TMEM179B: variants seen among roughly 807,000 people sequenced by gnomAD.
TMEM179B encodes transmembrane protein 179B.
Under a neutral mutation model 18.0 loss-of-function variants are expected in TMEM179B, and 13 were observed. That is an observed-to-expected ratio of 0.72 (90% CI 0.47 to 1.15). The LOEUF is 1.15. Among genes scored for constraint, TMEM179B ranks in the 50% most tolerant of loss-of-function variants. The probability of loss-of-function intolerance (pLI) is 0.00; values close to 1 mark genes in which losing one functional copy is unlikely to be tolerated. For missense variants in TMEM179B, 320 were observed against 270.6 expected (o/e 1.18, Z -1.28); for synonymous variants, 159 against 117.5 (o/e 1.35, Z -2.29).
In TMEM179B at chr11:62,789,911, T is replaced by C. The variant is rs778598541; in HGVS notation, c.524T>C (p.Leu175Ser). ...ACCTCTTCTTGGGTGAATTTGGTATTGTGGTGTGTGGTCTTGGTGCTCCAG... is the reference window on the plus strand; with the variant it reads ...ACCTCTTCTTGGGTGAATTTGGTATCGTGGTGTGTGGTCTTGGTGCTCCAG... ...AETSSWVNLV[L>S]WCVVLVLQVV... is the part of the protein sequence containing the mutation. The change falls in exon 5 of 5, where the codon TTG (leucine) becomes TCG (serine). Residue 175 changes from leucine (L) to serine (S), a missense_variant. By Grantham distance (145) the Leu-to-Ser change is moderately radical (BLOSUM62 -2). Coordinates refer to ENST00000333449, the MANE Select transcript of TMEM179B (RefSeq NM_199337.3). 6.2e-7 allele frequency: 1 copy of C among 1,613,976 alleles called. No homozygotes were observed. The highest frequency in any genetic ancestry group is 1.7e-5 in the Admixed American group (1 of 59,992).
Position 62,790,120 on chromosome 11 carries a change from T to TG in TMEM179B, c.*74dup, listed in dbSNP as rs2084341993. The TG allele has an allele frequency of 9.6e-6, 14 of 1,462,306 alleles. No individual in the cohort carries two copies. The South Asian group carries it at 2.0e-4, about 21-fold the overall frequency. 90.6% of individuals were successfully genotyped at this position (1,462,306 alleles called of 1,614,324 possible). A position where few individuals can be genotyped will look rare whatever the true frequency, so the allele number is the denominator to read the frequency against. On this transcript the variant is annotated 3_prime_UTR_variant, in exon 5 of 5. Transcript: ENST00000333449. Reference sequence around the variant, plus strand: ...CCTGTAATCCCCCCCCTCAAGGCCCTGTTTATGTTGGGAGTCTTAGTTTTC... The same window carrying TG: ...CCTGTAATCCCCCCCCTCAAGGCCCTGGTTTATGTTGGGAGTCTTAGTTTTC...
Position 62,790,099 on chromosome 11 carries a change from T to TA in TMEM179B, c.*54dup. 1 of 1,507,492 alleles carries TA rather than the reference T, an allele frequency of 6.6e-7. No individual in the cohort carries two copies. The highest frequency in any genetic ancestry group is 8.9e-7 in the Non-Finnish European group (1 of 1,126,516). The allele number at this position is 1,507,492 out of a possible 1,614,324, so 93.4% of individuals were successfully genotyped here. A position where few individuals can be genotyped will look rare whatever the true frequency, so the allele number is the denominator to read the frequency against. ...CGAAGACTCCATGCCCAAGTGCCTGTAATCCCCCCCCTCAAGGCCCTGTTT... is the reference window on the plus strand; with the variant it reads ...CGAAGACTCCATGCCCAAGTGCCTGTAAATCCCCCCCCTCAAGGCCCTGTTT... On this transcript the variant is annotated 3_prime_UTR_variant, in exon 5 of 5. Coordinates refer to ENST00000333449, the MANE Select transcript of TMEM179B (RefSeq NM_199337.3).
rs1015704396 is a variant in TMEM179B at position 62,789,581 on chromosome 11, CTG to C, written c.420-18_420-17del. On this transcript the variant is annotated intron_variant, in intron 3 of 4. Coordinates refer to ENST00000333449, the MANE Select transcript of TMEM179B (RefSeq NM_199337.3). ...TATAAACTATCACGCTTTCTCACAA[CTG>C]TCTCTTTGACCTCACAGCTGTTCTG... 1.3e-6 allele frequency: 2 copies of C among 1,549,990 alleles called. No homozygotes were observed. Among genetic ancestry groups the C allele is most frequent in the Non-Finnish European group, 1.7e-6 (2 of 1,149,844 alleles).
chr11:62,787,930 C>T (rs1418193089), intron 1 of TMEM179B: 1 of 498,428 alleles, frequency 2.0e-6, no homozygotes, highest in Admixed American at 2.3e-5. Flanking sequence ...ATCAAGCTGC[C>T]ACATGATTGT....
chr11:62,787,747 A>G (rs1016152567), intron 1 of TMEM179B: 3 of 670,396 alleles, frequency 4.5e-6, no homozygotes, highest in Non-Finnish European at 7.8e-6. Context: ...CGCCAAAGGG[A>G]CGGGTCAGTA....
At position 62,790,059 on chromosome 11, in the gene TMEM179B, A is replaced by T; in HGVS notation, c.*12A>T. On this transcript the variant is annotated 3_prime_UTR_variant, in exon 5 of 5. Coordinates refer to ENST00000333449, the MANE Select transcript of TMEM179B (RefSeq NM_199337.3). ...TTTCCCATTCCTGAAGAATAAGCGGAGTGCTTCCTGCAGCCGAAGACTCCA... is the reference window on the plus strand; with the variant it reads ...TTTCCCATTCCTGAAGAATAAGCGGTGTGCTTCCTGCAGCCGAAGACTCCA... The T allele has an allele frequency of 6.3e-7, 1 of 1,589,510 alleles. No individual in the cohort carries two copies. Among genetic ancestry groups the T allele is most frequent in the Non-Finnish European group, 8.6e-7 (1 of 1,166,144 alleles).
rs1590944049 is a variant in TMEM179B, at chr11:62,789,676, T to C, written c.495T>C (p.Ala165=). The C allele has an allele frequency of 3.2e-6, 5 of 1,542,590 alleles. No homozygotes were observed. The highest frequency in any genetic ancestry group is 4.4e-6 in the Non-Finnish European group (5 of 1,148,778). ...AGTTTTACTCCAACCTACACAATGCTGAAGTGAGACCCAAGGATAGGAGGA... is the reference window on the plus strand; with the variant it reads ...AGTTTTACTCCAACCTACACAATGCCGAAGTGAGACCCAAGGATAGGAGGA... ...ALQFYSNLHN[A]ETSSWVNLVL... is the part of the protein sequence containing the mutation. The change falls in exon 4 of 5, where the codon GCT becomes GCC. Residue 165 remains alanine (A), a synonymous_variant. Transcript: ENST00000333449.
chr11:62,789,319 G>A lies in TMEM179B; in HGVS notation c.312G>A (p.Leu104=). 1 of 1,613,956 alleles carries A rather than the reference G, an allele frequency of 6.2e-7. No homozygotes were observed. The highest frequency in any genetic ancestry group is 8.5e-7 in the Non-Finnish European group (1 of 1,179,996). ...GTGCTATAGGGCTGCGCATTGCACT[G>A]GCCATCTCAGCTATAGCCGTCTTCC... ...HRGAIGLRIA[L]AISAIAVFLV... The change falls in exon 3 of 5, where the codon CTG becomes CTA. Residue 104 remains leucine (L), a synonymous_variant. Transcript: ENST00000333449.
Position 62,789,338 on chromosome 11 carries a change from G to C in TMEM179B, c.331G>C (p.Val111Leu). The C allele has an allele frequency of 1.2e-6, 2 of 1,613,924 alleles. No individual in the cohort carries two copies. Among genetic ancestry groups the C allele is most frequent in the South Asian group, 2.2e-5 (2 of 91,056 alleles). ...RIALAISAIA[V>L]FLVLVSACIL... ...TGCACTGGCCATCTCAGCTATAGCC[G>C]TCTTCCTGGTCTTGGTGTCTGCCTG... Residue 111 changes from valine (V) to leucine (L), a missense_variant, in exon 3 of 5, where the codon GTC becomes CTC. Coordinates refer to ENST00000333449, the MANE Select transcript of TMEM179B (RefSeq NM_199337.3).
intron 1 of TMEM179B, 156 bp downstream of exon 1, chr11:62,787,683 C>T: frequency 6.0e-6 from 6 of 994,840 alleles, no homozygotes; most frequent in South Asian, 1.7e-5. Context: ...TGCAGCGAGG[C>T]TAATCGCGCT....
chr11:62,787,538 G>A lies in TMEM179B; in HGVS notation c.96+11G>A, dbSNP rs778521146. On this transcript the variant is annotated intron_variant, in intron 1 of 4. Transcript: ENST00000333449. ...ATGACTCGGACCCAGGTGCGGCTGC[G>A]GGGCGGGGTCAGGTAGGCGGGGGAG... 1.3e-6 allele frequency: 2 copies of A among 1,551,718 alleles called. No homozygotes were observed. The highest frequency in any genetic ancestry group is 2.3e-5 in the South Asian group (2 of 85,348).
Position 62,789,625 on chromosome 11 carries a change from A to T in TMEM179B, c.444A>T (p.Pro148=), listed in dbSNP as rs761751581. The change falls in exon 4 of 5, where the codon CCA becomes CCT. Residue 148 remains proline (P), a synonymous_variant. Transcript: ENST00000333449. ...GCTGTTCTGAAGCCCAGAAAATTCC[A>T]TGGACACCCCCTGGAACTGCTCTGC... ...TISCSEAQKI[P]WTPPGTALQF... is the part of the protein sequence containing the mutation. The T allele has an allele frequency of 9.7e-6, 15 of 1,548,850 alleles. No individual in the cohort carries two copies. In the South Asian group the frequency reaches 1.1e-4, roughly 12 times the overall value.
At chr11:62,789,232 C>G in intron 2 of TMEM179B, 22 bp downstream of exon 2, 4 of 1,613,822 alleles carry the variant, frequency 2.5e-6, no homozygotes, top group Non-Finnish European at 3.4e-6. Flanking sequence ...ACCCTGAGGG[C>G]CAGGGGCTGA....
At chr11:62,787,591 C>CT in intron 1 of TMEM179B, 64 bp downstream of exon 1, 2 of 1,443,048 alleles carry the variant, frequency 1.4e-6, no homozygotes, top group Non-Finnish European at 1.8e-6. Flanking sequence ...GGCGAGGCCA[C>CT]TTTCGCTTTC....
At position 62,790,367 on chromosome 11, in the gene TMEM179B, TTTG is replaced by T. The variant is rs1257403728; in HGVS notation, c.*326_*328del. 5.4e-6 allele frequency: 3 copies of T among 551,908 alleles called. No individual in the cohort carries two copies. The highest frequency in any genetic ancestry group is 3.8e-5 in the African/African-American group (2 of 52,794). The allele number at this position is 551,908 out of a possible 1,614,324, so 34.2% of individuals were successfully genotyped here. On this transcript the variant is annotated 3_prime_UTR_variant, in exon 5 of 5. Coordinates refer to ENST00000333449, the MANE Select transcript of TMEM179B (RefSeq NM_199337.3). The stretch of plus-strand genomic sequence containing the variant: ...TGCCCTAGGGATGACTGCTCCTTTA[TTTG>T]TTGTTAATGAATCTTGACCTCCTTG...
chr11:62,789,473 T>G, intron 3 of TMEM179B, 47 bp downstream of exon 3: 1 of 1,612,190 alleles, frequency 6.2e-7, no homozygotes, highest in Non-Finnish European at 8.5e-7. Context: ...CTACCTTCCC[T>G]CTGCAGCGGG....
chr11:62,789,340 C>G lies in TMEM179B; in HGVS notation c.333C>G (p.Val111=), dbSNP rs1480156328. ...CACTGGCCATCTCAGCTATAGCCGT[C>G]TTCCTGGTCTTGGTGTCTGCCTGTA... ...RIALAISAIA[V]FLVLVSACIL... is the part of the protein sequence containing the mutation. Residue 111 remains valine (V), a synonymous_variant, in exon 3 of 5, where the codon GTC becomes GTG. Coordinates refer to ENST00000333449, the MANE Select transcript of TMEM179B (RefSeq NM_199337.3). The G allele has an allele frequency of 1.9e-6, 3 of 1,614,060 alleles. No individual in the cohort carries two copies. The Admixed American group carries it at 5.0e-5, about 27-fold the overall frequency.
chr11:62,789,092 C>A lies in TMEM179B; in HGVS notation c.166C>A (p.Arg56Ser). 1 of 1,614,194 alleles carries A rather than the reference C, an allele frequency of 6.2e-7. No individual in the cohort carries two copies. Among genetic ancestry groups the A allele is most frequent in the Non-Finnish European group, 8.5e-7 (1 of 1,180,036 alleles). The change falls in exon 2 of 5, where the codon CGT (arginine) becomes AGT (serine). Residue 56 changes from arginine (R) to serine (S), a missense_variant. By Grantham distance (110) the Arg-to-Ser change is moderately radical (BLOSUM62 -1). Coordinates refer to ENST00000333449, the MANE Select transcript of TMEM179B (RefSeq NM_199337.3). ...TLNGSSLALS[R>S]PSAPSLCYFV... ...GAATGGCTCCTCCCTGGCCTTATCC[C>A]GTCCCTCAGCACCATCCCTGTGCTA...
Position 62,787,402 on chromosome 11 carries a change from G to T in TMEM179B, c.-30G>T, listed in dbSNP as rs373442214. ...GGTGGGCTTTGGGCGGGGTGCTGCT[G>T]CAGCGGCGCTTCCTGGTGGTCAGGG... On this transcript the variant is annotated 5_prime_UTR_variant, in exon 1 of 5. Transcript: ENST00000333449. The T allele has an allele frequency of 6.4e-7, 1 of 1,556,842 alleles. No homozygotes were observed. The highest frequency in any genetic ancestry group is 8.6e-7 in the Non-Finnish European group (1 of 1,159,760).
Sources: gnomAD v4.1 joint callset for allele counts on GRCh38, gnomAD v4.1.1 for gene constraint, MANE v1.5 for transcripts, NCBI Gene and HGNC (gene_info 2026-07-23, HGNC 2026-07-21) for gene names.